CLDN16: variants seen among roughly 807,000 people sequenced by gnomAD.
CLDN16 encodes the protein claudin 16, also known as claudin-16.
CLDN16 carries 13 observed loss-of-function variants against 24.6 expected under a neutral mutation model. The ratio of observed to expected loss-of-function variants is 0.53; its 90% confidence interval spans 0.34 to 0.84. CLDN16 has a LOEUF of 0.84. Among genes scored for constraint, CLDN16 ranks in the 40% least tolerant of loss-of-function variants. The pLI, the probability that CLDN16 is intolerant of heterozygous loss-of-function variation, is 0.01. For synonymous variants in CLDN16, 116 were observed against 106.7 expected (o/e 1.09, Z -0.54); for missense variants, 298 against 292.7 (o/e 1.02, Z -0.13).
chr3:190,329,147 G>T (rs1025975139), intron 1 of CLDN16, among the ~76,000 whole-genome samples: 2 of 152,162 alleles, frequency 1.3e-5, no homozygotes, highest in Admixed American at 6.5e-5. Context: ...AGAAGGAAGA[G>T]ATATAAGTTA....
intron 1 of CLDN16, among the ~76,000 whole-genome samples, chr3:190,370,583 T>A (rs1718117557): frequency 6.6e-6 from 1 of 151,966 alleles, no homozygotes; most frequent in African/African-American, 2.4e-5. Context: ...GAGCTAAACC[T>A]ACGTCATGTG....
At chr3:190,394,349 G>A (rs1718761362) in intron 1 of CLDN16, among the ~76,000 whole-genome samples, 1 of 152,108 alleles carries the variant, frequency 6.6e-6, no homozygotes. Context: ...AACCTGCTAT[G>A]TACTGAGCAC....
chr3:190,310,875 A>T, the CLDN16 span, among the ~76,000 whole-genome samples: 2 of 152,204 alleles, frequency 1.3e-5, no homozygotes, highest in Non-Finnish European at 2.9e-5. Context: ...TCAATTTCCC[A>T]TGGCATTTTA....
rs558281277 is a variant in CLDN16 at position 190,400,673 on chromosome 3, A to C, written c.115-1664A>C. 1.2e-4 allele frequency among the ~76,000 whole-genome samples: 19 copies of C among 152,358 alleles called. No individual in the cohort carries two copies. In the South Asian group the frequency reaches 3.9e-3, roughly 32 times the overall value. ...AATTTCATTTTTTAAATTGTTAAAT[A>C]GTATTCCATTGTGTAGATATACCAT... is the stretch of plus-strand genomic sequence containing the variant. On this transcript the variant is annotated intron_variant, in intron 1 of 4. Transcript: ENST00000264734.
chr3:190,361,601 A>G (rs1031708769), intron 1 of CLDN16, among the ~76,000 whole-genome samples: 5 of 151,994 alleles, frequency 3.3e-5, no homozygotes, highest in African/African-American at 4.8e-5. Context: ...AATGCCCCCA[A>G]ATTGCTCCTG....
intron 1 of CLDN16, among the ~76,000 whole-genome samples, chr3:190,329,410 G>A (rs892299620): frequency 6.6e-6 from 1 of 152,168 alleles, no homozygotes; most frequent in African/African-American, 2.4e-5. Flanking sequence ...TCAAACATTG[G>A]ATAGGAAGAA....
intron 1 of CLDN16, among the ~76,000 whole-genome samples, chr3:190,358,774 T>C (rs982144930): frequency 2.0e-5 from 3 of 152,034 alleles, no homozygotes; most frequent in Non-Finnish European, 2.9e-5. Context: ...TGAAATTCAA[T>C]GGACATAGTT....
At chr3:190,354,217 T>G (rs544085166) in intron 1 of CLDN16, among the ~76,000 whole-genome samples, 3 of 152,020 alleles carry the variant, frequency 2.0e-5, no homozygotes, top group Non-Finnish European at 4.4e-5. Context: ...GAGTATAATA[T>G]TAACACTCAG....
chr3:190,385,803 TA>T (rs999085351), upstream of CLDN16, among the ~76,000 whole-genome samples: 2 of 152,176 alleles, frequency 1.3e-5, no homozygotes, highest in African/African-American at 4.8e-5. Flanking sequence ...ATATAACTCT[TA>T]AAAAATTGTT....
intron 1 of CLDN16, among the ~76,000 whole-genome samples, chr3:190,329,033 A>T (rs565948543): frequency 6.6e-6 from 1 of 152,214 alleles, no homozygotes; most frequent in African/African-American, 2.4e-5. Context: ...CAGGATTTGC[A>T]TGCCAAGCTA....
At chr3:190,327,927 T>A (rs1363469033) in intron 1 of CLDN16, among the ~76,000 whole-genome samples, 6 of 151,138 alleles carry the variant, frequency 4.0e-5, no homozygotes, top group Non-Finnish European at 5.9e-5. Context: ...GTAGATCTTG[T>A]TTTTTTTGTG....
chr3:190,323,327 T>C (rs985904440), intron 1 of CLDN16, among the ~76,000 whole-genome samples: 2 of 152,164 alleles, frequency 1.3e-5, no homozygotes, highest in Non-Finnish European at 2.9e-5. Context: ...GGTGAGGACA[T>C]GTAAACAGCG....
chr3:190,371,910 G>A (rs1253734169), intron 2 of CLDN16, among the ~76,000 whole-genome samples: 1 of 151,888 alleles, frequency 6.6e-6, no homozygotes, highest in African/African-American at 2.4e-5. Flanking sequence ...CCAGGTCACC[G>A]AACATCTACC....
rs1294742863 is a variant in CLDN16, at chr3:190,402,408, T to C, written c.186T>C (p.Asp62=). 1.2e-6 allele frequency: 2 copies of C among 1,613,920 alleles called. No homozygotes were observed. Among genetic ancestry groups the C allele is most frequent in the South Asian group, 2.2e-5 (2 of 91,076 alleles). Residue 62 remains aspartate, a synonymous_variant, in exon 2 of 5, where the codon GAT becomes GAC. Coordinates refer to ENST00000264734, the MANE Select transcript of CLDN16 (RefSeq NM_006580.4). The stretch of plus-strand genomic sequence containing the variant: ...CTTTTGATGGGATTCGCACCTGTGA[T>C]GAGTACGATTCCATACTTGCGGAGC... The part of the protein sequence containing the change: ...TNAFDGIRTC[D]EYDSILAEHP...
At chr3:190,366,596 G>C (rs1273613290) in intron 1 of CLDN16, among the ~76,000 whole-genome samples, 1 of 151,962 alleles carries the variant, frequency 6.6e-6, no homozygotes, top group Admixed American at 6.6e-5. Flanking sequence ...ACTGGACAGA[G>C]AGAAAAGTTA....
chr3:190,326,398 G>A (rs1388374367), intron 1 of CLDN16, among the ~76,000 whole-genome samples: 6 of 152,182 alleles, frequency 3.9e-5, no homozygotes, highest in Non-Finnish European at 8.8e-5. Context: ...CTAGAAAGAA[G>A]ACACAATGTT....
At chr3:190,321,842 C>T (rs1272534078), upstream of CLDN16, 5 of 704,146 alleles carry the variant, frequency 7.1e-6, no homozygotes, top group East Asian at 2.6e-5. Context: ...CTCTTCATTT[C>T]CTTATGACAG....
At chr3:190,309,754 T>C in the CLDN16 span, among the ~76,000 whole-genome samples, 1 of 152,328 alleles carries the variant, frequency 6.6e-6, no homozygotes, top group East Asian at 1.9e-4. Context: ...GTATTATTCA[T>C]TAACCCCTAT....
chr3:190,378,794 C>T (rs1718296652), intron 3 of CLDN16, among the ~76,000 whole-genome samples: 1 of 152,004 alleles, frequency 6.6e-6, no homozygotes, highest in South Asian at 2.1e-4. Context: ...TGCCTGTGTT[C>T]TACTTTGCTT....
Sources: allele counts gnomAD v4.1 joint callset (sites outside exome capture counted in the v4.1 genomes callset), GRCh38; gene constraint gnomAD v4.1.1; transcripts MANE v1.5; gene names NCBI Gene and HGNC (gene_info 2026-07-23, HGNC 2026-07-21).